Variants in CMC1 observed in about 807,000 individuals in gnomAD.
CMC1 encodes COX assembly mitochondrial protein homolog.
Under a neutral mutation model 14.1 loss-of-function variants are expected in CMC1, and 14 were observed. The observed-to-expected ratio is 0.99, with a 90% CI of 0.66 to 1.55. The LOEUF is 1.55. Ranked by LOEUF, CMC1 falls within the 40% of genes most tolerant of loss-of-function variation. The pLI is 0.00. For missense variants in CMC1, 127 were observed against 123.8 expected, an observed-to-expected ratio of 1.03 and a Z score of -0.12; for synonymous variants, 50 against 38.4, an observed-to-expected ratio of 1.30 and a Z score of -1.12.
chr3:28,270,373 C>G (rs946020509), intron 2 of CMC1, among the ~76,000 whole-genome samples: 1 of 152,208 alleles, frequency 6.6e-6, no homozygotes, highest in African/African-American at 2.4e-5. Context: ...TACATTCCCA[C>G]CAACAGTGTA....
chr3:28,286,722 G>A (rs1357328931), intron 2 of CMC1, among the ~76,000 whole-genome samples: 1 of 152,154 alleles, frequency 6.6e-6, no homozygotes, highest in Admixed American at 6.5e-5. Flanking sequence ...GTAGGTCATG[G>A]TATCTATAAA....
In CMC1 at chr3:28,323,985, G is replaced by A; in HGVS notation, c.*4356G>A. On this transcript the variant is annotated 3_prime_UTR_variant, in exon 4 of 4. Transcript: ENST00000466830. Reference sequence around the variant, plus strand: ...TTTCAGTTTGTTAAATAATTTCTTGGGAGGACCACTGAAAGAGATAAGTGT... The same window carrying A: ...TTTCAGTTTGTTAAATAATTTCTTGAGAGGACCACTGAAAGAGATAAGTGT... The A allele has an allele frequency of 6.7e-7, 1 of 1,495,358 alleles. No homozygotes were observed. The highest frequency in any genetic ancestry group is 1.3e-5 in the South Asian group (1 of 76,144). 92.6% of individuals were successfully genotyped at this position (1,495,358 alleles called of 1,614,324 possible).
At chr3:28,243,223 T>C (rs1048536411) in intron 1 of CMC1, among the ~76,000 whole-genome samples, 2 of 151,852 alleles carry the variant, frequency 1.3e-5, no homozygotes, top group Admixed American at 6.6e-5. Context: ...GGCCGGCTAA[T>C]TTTTGTATTT....
Position 28,321,673 on chromosome 3 carries a change from C to T in CMC1, c.*2044C>T, listed in dbSNP as rs1461431779. 1 of 150,638 alleles carries T rather than the reference C, an allele frequency of 6.6e-6. No individual in the cohort carries two copies. Among genetic ancestry groups the T allele is most frequent in the African/African-American group, 2.4e-5 (1 of 41,256 alleles). 9.3% of individuals were successfully genotyped at this position (150,638 alleles called of 1,614,324 possible). A position where few individuals can be genotyped will look rare whatever the true frequency, so the allele number is the denominator to read the frequency against. Reference sequence around the variant, plus strand: ...TAGCCTTTCTGAATTAAGATCAGTACTTTGTTGTCACATGATTCAGCTCTT... The same window carrying T: ...TAGCCTTTCTGAATTAAGATCAGTATTTTGTTGTCACATGATTCAGCTCTT... On this transcript the variant is annotated 3_prime_UTR_variant, in exon 4 of 4. Transcript: ENST00000466830.
chr3:28,314,747 C>T (rs1168882138), intron 2 of CMC1, among the ~76,000 whole-genome samples: 4 of 152,126 alleles, frequency 2.6e-5, no homozygotes, highest in African/African-American at 9.7e-5. Context: ...CTATAGGGCT[C>T]TTGTCCCAGC....
intron 2 of CMC1, chr3:28,298,454 T>A (rs7650831): frequency 1.3e-4 from 19 of 147,996 alleles, no homozygotes; most frequent in African/African-American, 4.2e-4. Context: ...ATAAAATATA[T>A]TTTTATATAT....
At position 28,275,243 on chromosome 3, in the gene CMC1, T is replaced by A. The variant is rs529745080; in HGVS notation, c.109+11863T>A. ...TTTTCATGAGTTTATCTAGCTTCGGTCTTTGATGTCCTTTAGATGGGGTTT... is the reference window on the plus strand; with the variant it reads ...TTTTCATGAGTTTATCTAGCTTCGGACTTTGATGTCCTTTAGATGGGGTTT... On this transcript the variant is annotated intron_variant, in intron 2 of 3. Transcript: ENST00000466830. 6.8e-4 allele frequency among the ~76,000 whole-genome samples: 103 copies of A among 152,172 alleles called. 2 individuals are homozygous for A. The highest frequency in any genetic ancestry group is 6.8e-3 in the Middle Eastern group (2 of 294).
intron 2 of CMC1, among the ~76,000 whole-genome samples, chr3:28,288,268 G>T (rs1337921757): frequency 6.6e-6 from 1 of 152,010 alleles, no homozygotes; most frequent in Non-Finnish European, 1.5e-5. Flanking sequence ...CATGTGAAGT[G>T]AGTTTACCTT....
At position 28,285,687 on chromosome 3, in the gene CMC1, G is replaced by GA. The variant is rs543442261; in HGVS notation, c.109+22318dup. ...CCCTACATCTATACAAATAAAAAGT[G>GA]AAAAAAAAAAACCCATGACTTTTGG... On this transcript the variant is annotated intron_variant, in intron 2 of 3. Transcript: ENST00000466830. 1.3e-3 allele frequency among the ~76,000 whole-genome samples: 173 copies of GA among 136,786 alleles called. 1 individual carries two copies. Among genetic ancestry groups the GA allele is most frequent in the South Asian group, 3.7e-3 (16 of 4,314 alleles). 89.7% of individuals were successfully genotyped at this position (136,786 alleles called of 152,430 possible).
chr3:28,284,864 C>T (rs1701093657), intron 2 of CMC1, among the ~76,000 whole-genome samples: 2 of 152,136 alleles, frequency 1.3e-5, no homozygotes, highest in African/African-American at 4.8e-5. Flanking sequence ...TCTTAGCAAA[C>T]TCTTAGGGAA....
intron 2 of CMC1, among the ~76,000 whole-genome samples, chr3:28,309,707 C>T (rs1702520608): frequency 6.6e-6 from 1 of 151,968 alleles, no homozygotes. Flanking sequence ...CTTGTCATTC[C>T]ACTGTGCAAA....
intron 1 of CMC1, among the ~76,000 whole-genome samples, chr3:28,244,695 C>A (rs2125412725): frequency 6.6e-6 from 1 of 151,098 alleles, no homozygotes; most frequent in Non-Finnish European, 1.5e-5. Context: ...CACTGCACTC[C>A]AGCTTGGGCC....
intron 2 of CMC1, chr3:28,292,883 C>G (rs1644335130): frequency 4.6e-5 from 7 of 152,118 alleles, no homozygotes; most frequent in Admixed American, 4.6e-4. Context: ...ATTGTTGATT[C>G]ACATTGAATT....
chr3:28,282,734 A>G (rs1700963548), intron 2 of CMC1, among the ~76,000 whole-genome samples: 1 of 152,124 alleles, frequency 6.6e-6, no homozygotes, highest in Non-Finnish European at 1.5e-5. Flanking sequence ...TATTATCTTT[A>G]AAATGCATCC....
intron 1 of CMC1, among the ~76,000 whole-genome samples, chr3:28,261,048 G>A (rs1046069698): frequency 1.1e-4 from 16 of 152,086 alleles, no homozygotes; most frequent in African/African-American, 3.6e-4. Flanking sequence ...ATTAGGTAGA[G>A]TATTCTATAA....
chr3:28,319,668 T>A lies in CMC1; in HGVS notation c.*39T>A. The A allele has an allele frequency of 6.4e-7, 1 of 1,552,364 alleles. No homozygotes were observed. Among genetic ancestry groups the A allele is most frequent in the South Asian group, 1.2e-5 (1 of 81,344 alleles). On this transcript the variant is annotated 3_prime_UTR_variant, in exon 4 of 4. Coordinates refer to ENST00000466830, the MANE Select transcript of CMC1 (RefSeq NM_182523.2). ...TGACATTCAGGAACTCTAATATTCA[T>A]GGAAGTCATTTTATAGTCCTTAAAT...
chr3:28,306,644 AT>A lies in CMC1; in HGVS notation c.110-9672del, dbSNP rs201960912. Among the ~76,000 whole-genome samples the A allele has an allele frequency of 4.2e-3, 602 of 141,772 alleles. 1 individual carries two copies. Among genetic ancestry groups the A allele is most frequent in the African/African-American group, 4.5e-3 (174 of 38,670 alleles). The allele number at this position is 141,772 out of a possible 152,430, so 93.0% of individuals were successfully genotyped here. ...ACTACTTACATCTTTAAAATGAAGAATTTTTTTTTTTTTTTTTGAGACAGAG... is the reference window on the plus strand; with the variant it reads ...ACTACTTACATCTTTAAAATGAAGAATTTTTTTTTTTTTTTTGAGACAGAG... On this transcript the variant is annotated intron_variant, in intron 2 of 3. Transcript: ENST00000466830.
chr3:28,249,512 G>A (rs1271772660), intron 1 of CMC1, among the ~76,000 whole-genome samples: 1 of 152,210 alleles, frequency 6.6e-6, no homozygotes, highest in Non-Finnish European at 1.5e-5. Context: ...CCTCATTAAA[G>A]TTAACTTTTA....
chr3:28,255,722 T>TAAAC (rs1699367891), intron 1 of CMC1, among the ~76,000 whole-genome samples: 1 of 144,268 alleles, frequency 6.9e-6, no homozygotes, highest in Non-Finnish European at 1.5e-5. Flanking sequence ...TACATGTACA[T>TAAAC]ACACACACAC....
Sources: gnomAD v4.1 joint callset for allele counts (sites outside exome capture counted in the v4.1 genomes callset) on GRCh38, gnomAD v4.1.1 for gene constraint, MANE v1.5 for transcripts, NCBI Gene and HGNC (gene_info 2026-07-23, HGNC 2026-07-21) for gene names.